The following CFAP107 variants were observed in gnomAD, a reference collection of about 807,000 sequenced individuals.
CFAP107 encodes the protein cilia and flagella associated protein 107, also known as cilia- and flagella-associated protein 107.
the CFAP107 span, chr1:12,753,313 T>C: frequency 6.6e-6 from 1 of 151,130 alleles, no homozygotes; most frequent in Admixed American, 6.6e-5. Flanking sequence ...ACAGATTCAA[T>C]GCAATCATTA....
the CFAP107 span, chr1:12,759,662 TTTCCC>T: frequency 1.3e-6 from 1 of 743,262 alleles, no homozygotes; most frequent in South Asian, 1.5e-5. Context: ...CCTCCTGTCC[TTTCCC>T]TTTGACCTGG....
the CFAP107 span, chr1:12,755,749 A>G: frequency 6.2e-7 from 1 of 1,613,878 alleles, no homozygotes; most frequent in Non-Finnish European, 8.5e-7. Flanking sequence ...AGAAAAGAAT[A>G]CATCCCCTTC....
chr1:12,759,435 G>T, the CFAP107 span: 5 of 1,614,146 alleles, frequency 3.1e-6, no homozygotes, highest in Non-Finnish European at 1.7e-6. Flanking sequence ...TCCGCACTTG[G>T]AATGGACAGA....
At chr1:12,748,406 G>A in the CFAP107 span, among the ~76,000 whole-genome samples, 1 of 150,628 alleles carries the variant, frequency 6.6e-6, no homozygotes, top group Non-Finnish European at 1.5e-5. Flanking sequence ...AAGCAGGGGT[G>A]AGACTTTTTT....
At chr1:12,760,391 A>G in the CFAP107 span, among the ~76,000 whole-genome samples, 1 of 152,190 alleles carries the variant, frequency 6.6e-6, no homozygotes, top group Admixed American at 6.5e-5. Flanking sequence ...GTCACTCTGC[A>G]TTACTTTTGC....
the CFAP107 span, among the ~76,000 whole-genome samples, chr1:12,749,584 C>T: frequency 3.3e-5 from 5 of 152,052 alleles, no homozygotes; most frequent in South Asian, 2.1e-4. Flanking sequence ...GCACTCCAGC[C>T]TGGGAAACAG....
chr1:12,748,816 A>G, the CFAP107 span, among the ~76,000 whole-genome samples: 4 of 152,342 alleles, frequency 2.6e-5, no homozygotes, highest in South Asian at 8.3e-4. Flanking sequence ...GACACAAAGA[A>G]CTAAAGTAAA....
At chr1:12,761,516 C>T in the CFAP107 span, 1 of 151,356 alleles carries the variant, frequency 6.6e-6, no homozygotes, top group African/African-American at 2.4e-5. Context: ...TGTCTCTGAG[C>T]TCGCAAATCT....
At chr1:12,758,523 G>C in the CFAP107 span, among the ~76,000 whole-genome samples, 1 of 152,100 alleles carries the variant, frequency 6.6e-6, no homozygotes, top group Non-Finnish European at 1.5e-5. Context: ...ACTTATTTAT[G>C]GGGCCACCAC....
chr1:12,760,814 C>A, the CFAP107 span: 4 of 1,614,094 alleles, frequency 2.5e-6, no homozygotes, highest in South Asian at 3.3e-5. Context: ...CAAGCAGAGA[C>A]AGCTCACACC....
At chr1:12,746,341 C>T in the CFAP107 span, 10 of 1,043,080 alleles carry the variant, frequency 9.6e-6, no homozygotes, top group Non-Finnish European at 1.5e-5. Flanking sequence ...AAATAGGCAC[C>T]CCAAACTCAG....
the CFAP107 span, among the ~76,000 whole-genome samples, chr1:12,750,534 A>T: frequency 2.6e-5 from 4 of 152,230 alleles, no homozygotes; most frequent in African/African-American, 9.6e-5. Context: ...GAAAGGAAGC[A>T]AAAAGATATT....
chr1:12,747,880 T>C, the CFAP107 span, among the ~76,000 whole-genome samples: 5 of 152,154 alleles, frequency 3.3e-5, no homozygotes, highest in African/African-American at 7.2e-5. Context: ...GTTGGAGTGA[T>C]GTCAACAAGG....
At chr1:12,748,963 T>G in the CFAP107 span, among the ~76,000 whole-genome samples, 1 of 152,150 alleles carries the variant, frequency 6.6e-6, no homozygotes, top group African/African-American at 2.4e-5. Context: ...AGCAGCAGAT[T>G]TGAATAGGCA....
the CFAP107 span, among the ~76,000 whole-genome samples, chr1:12,754,319 A>G: frequency 0.036 from 5,434 of 152,312 alleles, 315 homozygotes; most frequent in African/African-American, 0.12. Flanking sequence ...CAAAATTACA[A>G]TGAGATACCA....
At chr1:12,755,672 G>A in the CFAP107 span, 4 of 1,502,922 alleles carry the variant, frequency 2.7e-6, no homozygotes, top group Non-Finnish European at 3.7e-6. Flanking sequence ...CATCTCAGAG[G>A]TTTTCCTGAA....
the CFAP107 span, among the ~76,000 whole-genome samples, chr1:12,749,946 C>T: frequency 1.4e-4 from 22 of 152,142 alleles, 1 homozygote; most frequent in Non-Finnish European, 7.4e-5. Context: ...AATATGTAGA[C>T]AAACTTAAAA....
chr1:12,754,031 G>A, the CFAP107 span: 2 of 152,048 alleles, frequency 1.3e-5, no homozygotes, highest in Admixed American at 6.6e-5. Context: ...TAAACTGGAC[G>A]TCATCAAAAC....
the CFAP107 span, chr1:12,755,909 G>A: frequency 1.2e-6 from 1 of 807,046 alleles, no homozygotes; most frequent in Non-Finnish European, 2.0e-6. Context: ...ACCGTCTTGG[G>A]GGAAATCAGG....
Sources: gnomAD v4.1 joint callset for allele counts (sites outside exome capture counted in the v4.1 genomes callset) on GRCh38, gnomAD v4.1.1 for gene constraint, MANE v1.5 for transcripts, NCBI Gene and HGNC (gene_info 2026-07-23, HGNC 2026-07-21) for gene names.